SDK1: variants seen among roughly 807,000 people sequenced by gnomAD.
SDK1 encodes the protein sidekick cell adhesion molecule 1.
SDK1 carries 157 observed loss-of-function variants against 245.5 expected under a neutral mutation model. The observed-to-expected ratio is 0.64, with a 90% CI of 0.56 to 0.73. SDK1 has a LOEUF of 0.73. SDK1 is among the 30% of genes least tolerant of loss of function. The probability of loss-of-function intolerance (pLI) is 0.00; values close to 1 mark genes in which losing one functional copy is unlikely to be tolerated. For missense variants in SDK1, 3,583 were observed against 3,002.3 expected (o/e 1.19, Z -4.52); for synonymous variants, 1,647 against 1,278.5 (o/e 1.29, Z -6.15).
At chr7:3,785,181 G>A (rs924279356) in intron 4 of SDK1, among the ~76,000 whole-genome samples, 13 of 152,110 alleles carry the variant, frequency 8.5e-5, no homozygotes, top group African/African-American at 3.1e-4. Context: ...GTAAAATAAT[G>A]GTTATCGAGG....
chr7:3,807,973 C>T (rs1301269800), intron 4 of SDK1, among the ~76,000 whole-genome samples: 2 of 152,242 alleles, frequency 1.3e-5, no homozygotes, highest in Non-Finnish European at 1.5e-5. Flanking sequence ...ATTATTATCC[C>T]CATCTGACCT....
chr7:3,716,730 G>A (rs541468932), intron 4 of SDK1, among the ~76,000 whole-genome samples: 1 of 149,826 alleles, frequency 6.7e-6, no homozygotes, highest in Non-Finnish European at 1.5e-5. Flanking sequence ...TTGCACTTCA[G>A]CCTGGGTGAC....
At chr7:3,851,835 A>G (rs1780426985) in intron 5 of SDK1, among the ~76,000 whole-genome samples, 1 of 152,228 alleles carries the variant, frequency 6.6e-6, no homozygotes, top group Admixed American at 6.5e-5. Flanking sequence ...GAAAAATAAG[A>G]TTTAAAGTGT....
chr7:3,302,015 T>TAGG, intron 1 of SDK1, 131 bp downstream of exon 1: 1 of 649,486 alleles, frequency 1.5e-6, no homozygotes, highest in Non-Finnish European at 2.0e-6. Flanking sequence ...CTGGGGGCTC[T>TAGG]AGGGAGCCCA....
intron 17 of SDK1, among the ~76,000 whole-genome samples, chr7:4,019,951 C>G (rs575086210): frequency 2.6e-5 from 4 of 152,180 alleles, no homozygotes; most frequent in Non-Finnish European, 4.4e-5. Context: ...CTGGATGTCT[C>G]GGACTCCCGT....
intron 30 of SDK1, 21 bp downstream of exon 30, chr7:4,149,484 C>T: frequency 7.0e-7 from 1 of 1,429,520 alleles, no homozygotes; most frequent in Non-Finnish European, 9.2e-7. Flanking sequence ...AGCAGGAGCA[C>T]CTCCCCGGGG....
chr7:3,842,046 C>G (rs575344684), intron 5 of SDK1, among the ~76,000 whole-genome samples: 3 of 152,198 alleles, frequency 2.0e-5, no homozygotes, highest in African/African-American at 7.2e-5. Flanking sequence ...ATCCTTTTAA[C>G]CAGCTGGCAG....
intron 1 of SDK1, among the ~76,000 whole-genome samples, chr7:3,452,845 G>T (rs1038245134): frequency 5.3e-5 from 8 of 151,976 alleles, no homozygotes; most frequent in Non-Finnish European, 2.9e-5. Context: ...TCCTGCCTAG[G>T]TCATCTCTTT....
intron 44 of SDK1, among the ~76,000 whole-genome samples, chr7:4,260,764 CGGGGTCTCTGTGTGTGTGGG>C (rs1787947419): frequency 6.8e-6 from 1 of 146,366 alleles, no homozygotes; most frequent in African/African-American, 2.6e-5. Context: ...CTGGCTGCTC[CGGGGTCTCTGTGTGTGTGGG>C]AAGATGTGTT....
chr7:4,219,436 A>G (rs913340876), intron 38 of SDK1, among the ~76,000 whole-genome samples: 3 of 152,236 alleles, frequency 2.0e-5, no homozygotes, highest in African/African-American at 2.4e-5. Flanking sequence ...GTGGAAGGCA[A>G]AGGAGAAGCA....
At position 3,301,866 on chromosome 7, in the gene SDK1, C is replaced by G; in HGVS notation, c.280C>G (p.Leu94Val). The G allele has an allele frequency of 8.8e-7, 1 of 1,136,178 alleles. No homozygotes were observed. The highest frequency in any genetic ancestry group is 1.1e-6 in the Non-Finnish European group (1 of 927,320). 70.4% of individuals were successfully genotyped at this position (1,136,178 alleles called of 1,614,324 possible). A position where few individuals can be genotyped will look rare whatever the true frequency, so the allele number is the denominator to read the frequency against. The part of the protein sequence containing the change: ...WALLALQLHL[L>V]RALAQDDVAP... ...GCTGCTGGCGCTGCAGCTGCACTTG[C>G]TCCGGGCGCTGGCGCAAGGTAGGTG... The change falls in exon 1 of 45, where the codon CTC (leucine) becomes GTC (valine). Residue 94 changes from leucine to valine, a missense_variant. By Grantham distance (32) the Leu-to-Val change is conservative (BLOSUM62 1). Coordinates refer to ENST00000404826, the MANE Select transcript of SDK1 (RefSeq NM_152744.4).
At chr7:4,182,608 C>T (rs989692406) in intron 35 of SDK1, among the ~76,000 whole-genome samples, 7 of 152,308 alleles carry the variant, frequency 4.6e-5, no homozygotes, top group African/African-American at 1.4e-4. Context: ...TCAGAAGCTC[C>T]TCATCCTGAG....
intron 1 of SDK1, among the ~76,000 whole-genome samples, chr7:3,481,792 T>C (rs1000505126): frequency 1.3e-5 from 2 of 152,204 alleles, no homozygotes; most frequent in African/African-American, 2.4e-5. Context: ...CATGGCATTA[T>C]TTGGTTTTAC....
At chr7:4,265,053 G>T in intron 44 of SDK1, 71 bp from the exon 45 acceptor site, 2 of 1,555,600 alleles carry the variant, frequency 1.3e-6, no homozygotes, top group Non-Finnish European at 8.6e-7. Context: ...CCACCGCCAG[G>T]CCTCCTGCCC....
At chr7:4,204,501 C>T (rs1784079893) in intron 35 of SDK1, among the ~76,000 whole-genome samples, 1 of 151,174 alleles carries the variant, frequency 6.6e-6, no homozygotes, top group African/African-American at 2.4e-5. Flanking sequence ...CTATTTTATT[C>T]TGCGCTGGGG....
At chr7:3,976,012 A>G (rs1199601216) in intron 13 of SDK1, among the ~76,000 whole-genome samples, 5 of 2,674 alleles carry the variant, frequency 1.9e-3, no homozygotes, top group Admixed American at 3.2e-3. Context: ...TGCCACGCAG[A>G]GGATCCTCCA....
intron 17 of SDK1, among the ~76,000 whole-genome samples, chr7:4,021,411 G>A (rs1228619949): frequency 1.3e-5 from 2 of 152,206 alleles, no homozygotes; most frequent in East Asian, 3.9e-4. Flanking sequence ...CTTAGGAATA[G>A]TGTCTGGCTG....
intron 5 of SDK1, among the ~76,000 whole-genome samples, chr7:3,848,014 T>C (rs958737147): frequency 9.9e-5 from 15 of 152,242 alleles, no homozygotes; most frequent in Admixed American, 5.2e-4. Context: ...CATCTACCCA[T>C]ACACACATGT....
chr7:3,704,820 A>G (rs947736118), intron 4 of SDK1, among the ~76,000 whole-genome samples: 54 of 152,184 alleles, frequency 3.5e-4, no homozygotes, highest in Non-Finnish European at 2.9e-5. Flanking sequence ...TTATGGTTTC[A>G]GGTCTTAGAT....
Sources: gnomAD v4.1 joint callset for allele counts (sites outside exome capture counted in the v4.1 genomes callset) on GRCh38, gnomAD v4.1.1 for gene constraint, MANE v1.5 for transcripts, NCBI Gene and HGNC (gene_info 2026-07-23, HGNC 2026-07-21) for gene names.